The following CWC27 variants were observed in gnomAD, a reference collection of about 807,000 sequenced individuals.
CWC27 encodes the protein spliceosome-associated protein CWC27 homolog.
In CWC27, 47 loss-of-function variants were observed where a neutral mutation model predicts 63.6. That is an observed-to-expected ratio of 0.74 (90% CI 0.58 to 0.94). The LOEUF (loss-of-function observed/expected upper bound fraction) is 0.94, where lower values mean the gene tolerates loss of function less well. Among genes scored for constraint, CWC27 ranks in the 40% least tolerant of loss-of-function variants. The pLI is 0.00. For missense variants in CWC27, 495 were observed against 554.3 expected (o/e 0.89, Z 1.07); for synonymous variants, 175 against 179.8 (o/e 0.97, Z 0.22).
At chr5:64,825,867 C>G (rs1745342759) in intron 10 of CWC27, among the ~76,000 whole-genome samples, 1 of 152,158 alleles carries the variant, frequency 6.6e-6, no homozygotes, top group South Asian at 2.1e-4. Flanking sequence ...CAGATTATCA[C>G]AGATAATCTG....
Position 64,801,322 on chromosome 5 carries a change from A to T in CWC27, c.770A>T (p.Asp257Val). 1.4e-6 allele frequency: 2 copies of T among 1,392,080 alleles called. No homozygotes were observed. Among genetic ancestry groups the T allele is most frequent in the Non-Finnish European group, 1.9e-6 (2 of 1,035,240 alleles). 86.2% of individuals were successfully genotyped at this position (1,392,080 alleles called of 1,614,324 possible). The change falls in exon 9 of 14, where the codon GAT becomes GTT. Residue 257 changes from aspartate (D) to valine (V), a missense_variant. By Grantham distance (152) the Asp-to-Val change is radical. Transcript: ENST00000381070. Reference protein sequence around the residue: ...VVESEKGDAPDLVDDGEDESA... With the variant: ...VVESEKGDAPVLVDDGEDESA... ...TATAGTGAAAAAGGTGATGCACCAGATTTAGTTGATGTAAGTATTTATTTT... is the reference window on the plus strand; with the variant it reads ...TATAGTGAAAAAGGTGATGCACCAGTTTTAGTTGATGTAAGTATTTATTTT...
chr5:64,883,009 A>G (rs1746982807), intron 10 of CWC27, among the ~76,000 whole-genome samples: 1 of 152,232 alleles, frequency 6.6e-6, no homozygotes, highest in African/African-American at 2.4e-5. Context: ...TAAAGAAAAG[A>G]GGTTTAATTG....
chr5:64,779,142 G>A lies in CWC27; in HGVS notation c.140-2779G>A, dbSNP rs190069401. Reference sequence around the variant, plus strand: ...AGTTATATTCAGGTTGTATTCAGTTGCAGGTAATAGAAGACCCAACTCAAA... The same window carrying A: ...AGTTATATTCAGGTTGTATTCAGTTACAGGTAATAGAAGACCCAACTCAAA... On this transcript the variant is annotated intron_variant, in intron 2 of 13. Coordinates refer to ENST00000381070, the MANE Select transcript of CWC27 (RefSeq NM_005869.4). Among the ~76,000 whole-genome samples the A allele has an allele frequency of 1.1e-3, 170 of 152,218 alleles. 1 individual carries two copies. The highest frequency in any genetic ancestry group is 1.9e-3 in the Non-Finnish European group (126 of 68,028).
chr5:64,801,992 GC>G (rs1744505335), intron 9 of CWC27, among the ~76,000 whole-genome samples: 1 of 152,150 alleles, frequency 6.6e-6, no homozygotes, highest in African/African-American at 2.4e-5. Flanking sequence ...GCTCTCTATG[GC>G]TATCAGTAGT....
chr5:64,869,440 G>A (rs753090184), intron 10 of CWC27, among the ~76,000 whole-genome samples: 20 of 151,916 alleles, frequency 1.3e-4, no homozygotes, highest in African/African-American at 1.7e-4. Flanking sequence ...TTGAAGGGTC[G>A]GTCTAGCACA....
intron 13 of CWC27, among the ~76,000 whole-genome samples, chr5:64,995,206 G>A (rs1036590167): frequency 7.9e-5 from 12 of 151,942 alleles, no homozygotes; most frequent in Admixed American, 2.0e-4. Context: ...TCCTGGCCTC[G>A]AGCGATCCGC....
intron 11 of CWC27, among the ~76,000 whole-genome samples, chr5:64,942,211 G>A (rs1328211693): frequency 2.0e-5 from 3 of 151,580 alleles, no homozygotes; most frequent in Non-Finnish European, 2.9e-5. Flanking sequence ...GTATGCTTGA[G>A]GTCAGGAGTT....
At chr5:64,936,964 A>G (rs1748367255) in intron 11 of CWC27, among the ~76,000 whole-genome samples, 1 of 151,718 alleles carries the variant, frequency 6.6e-6, no homozygotes, top group Non-Finnish European at 1.5e-5. Flanking sequence ...ATCATTTTTT[A>G]TTGTGTCTAT....
chr5:64,950,487 C>CTATG (rs1748682829), intron 11 of CWC27, among the ~76,000 whole-genome samples: 1 of 151,740 alleles, frequency 6.6e-6, no homozygotes, highest in African/African-American at 2.4e-5. Flanking sequence ...ACCAAAATAA[C>CTATG]TATGTAAAAT....
intron 11 of CWC27, among the ~76,000 whole-genome samples, chr5:64,929,384 C>T (rs1489317216): frequency 4.6e-5 from 7 of 152,148 alleles, no homozygotes; most frequent in East Asian, 1.9e-4. Flanking sequence ...GGGGAGAGGG[C>T]GGAAGAGTGC....
At chr5:64,994,106 G>T (rs759565774) in intron 13 of CWC27, among the ~76,000 whole-genome samples, 1 of 152,036 alleles carries the variant, frequency 6.6e-6, no homozygotes, top group African/African-American at 2.4e-5. Context: ...GTGTTTATAT[G>T]TATTGTTCAA....
intron 13 of CWC27, among the ~76,000 whole-genome samples, chr5:64,989,400 C>T (rs266563): frequency 6.6e-6 from 1 of 151,972 alleles, no homozygotes; most frequent in Admixed American, 6.5e-5. Flanking sequence ...TTAGATGGTA[C>T]TGAATAATTC....
At chr5:65,006,509 T>C (rs539791100) in intron 13 of CWC27, among the ~76,000 whole-genome samples, 133 of 152,256 alleles carry the variant, frequency 8.7e-4, no homozygotes, top group Non-Finnish European at 1.3e-3. Flanking sequence ...TAAAGATTTA[T>C]TAAAATCTTT....
chr5:64,936,914 T>G (rs553178548), intron 11 of CWC27, among the ~76,000 whole-genome samples: 26 of 152,346 alleles, frequency 1.7e-4, no homozygotes, highest in African/African-American at 6.3e-4. Flanking sequence ...TCTCTGATGG[T>G]AGTTTGTATT....
At position 64,841,234 on chromosome 5, in the gene CWC27, CAAGT is replaced by C. The variant is rs1745826883; in HGVS notation, c.938+36849_938+36852del. Among the ~76,000 whole-genome samples, 3 of 152,160 alleles carry C rather than the reference CAAGT, an allele frequency of 2.0e-5. No homozygotes were observed. In the South Asian group the frequency reaches 6.2e-4, roughly 31 times the overall value. On this transcript the variant is annotated intron_variant, in intron 10 of 13. Transcript: ENST00000381070. ...AGGAGGAAGATGGAAGACTGAAAGACAAGTGAGGGTGCAAGACAGAGGGAGGAAA... is the reference window on the plus strand; with the variant it reads ...AGGAGGAAGATGGAAGACTGAAAGACGAGGGTGCAAGACAGAGGGAGGAAA...
At chr5:64,773,388 A>G (rs372054416) in intron 1 of CWC27, among the ~76,000 whole-genome samples, 128 of 152,352 alleles carry the variant, frequency 8.4e-4, no homozygotes, top group African/African-American at 3.0e-3. Flanking sequence ...TTCTGTTTAT[A>G]TGAAATGTTT....
rs377682943 is a variant in CWC27 at position 64,854,266 on chromosome 5, T to G, written c.939-31177T>G. Among the ~76,000 whole-genome samples, 54 of 152,352 alleles carry G rather than the reference T, an allele frequency of 3.5e-4. No homozygotes were observed. In the South Asian group the frequency reaches 9.3e-3, roughly 26 times the overall value. On this transcript the variant is annotated intron_variant, in intron 10 of 13. Transcript: ENST00000381070. ...GTTGTGGATAATGCTGCTATCAACG[T>G]GTGTGTGCAAAAATCTTCAATTCTT...
intron 11 of CWC27, among the ~76,000 whole-genome samples, chr5:64,938,015 G>A (rs900713226): frequency 6.6e-6 from 1 of 150,700 alleles, no homozygotes; most frequent in Admixed American, 6.6e-5. Context: ...CATGAGATGG[G>A]TCTCCTGAAT....
At chr5:64,804,422 G>T (rs1319536620) in intron 10 of CWC27, 36 bp downstream of exon 10, 1 of 1,524,508 alleles carries the variant, frequency 6.6e-7, no homozygotes, top group Non-Finnish European at 8.8e-7. Context: ...CAGAGTTTTT[G>T]TCTTTTTATA....
Sources: allele counts gnomAD v4.1 joint callset (sites outside exome capture counted in the v4.1 genomes callset), GRCh38; gene constraint gnomAD v4.1.1; transcripts MANE v1.5; gene names NCBI Gene and HGNC (gene_info 2026-07-23, HGNC 2026-07-21).